PLXNC1: variants seen among roughly 807,000 people sequenced by gnomAD.
PLXNC1 encodes plexin-C1.
PLXNC1 carries 75 observed loss-of-function variants against 178.2 expected under a neutral mutation model. The observed-to-expected ratio is 0.42, with a 90% confidence interval of 0.35 to 0.51. The LOEUF (loss-of-function observed/expected upper bound fraction) is 0.51, where lower values mean the gene tolerates loss of function less well. PLXNC1 is among the 20% of genes least tolerant of loss of function. The probability of loss-of-function intolerance (pLI) is 0.02; values close to 1 mark genes in which losing one functional copy is unlikely to be tolerated. For missense variants in PLXNC1, 1,503 were observed against 1,984.4 expected, an observed-to-expected ratio of 0.76 and a Z score of 4.61; for synonymous variants, 790 against 779.9, an observed-to-expected ratio of 1.01 and a Z score of -0.22.
At chr12:94,155,732 CCCAGATGTGGGGGGATGT>C (rs1183943399) in intron 1 of PLXNC1, among the ~76,000 whole-genome samples, 1 of 152,162 alleles carries the variant, frequency 6.6e-6, no homozygotes, top group Non-Finnish European at 1.5e-5. Flanking sequence ...GTATTTCACT[CCCAGATGTGGGGGGATGT>C]CTAGAGTCGT....
intron 11 of PLXNC1, among the ~76,000 whole-genome samples, chr12:94,243,407 C>T (rs4761595): frequency 0.64 from 97,195 of 152,112 alleles, 31,564 homozygotes; most frequent in East Asian, 0.96. Flanking sequence ...AGATGGAATG[C>T]AGCTGTTATT....
Position 94,251,498 on chromosome 12 carries a change from C to A in PLXNC1, c.2851C>A (p.Leu951Ile). Residue 951 changes from leucine (L) to isoleucine (I), a missense_variant, in exon 15 of 31, where the codon CTC (leucine) becomes ATC (isoleucine). By Grantham distance (5) the Leu-to-Ile change is conservative (BLOSUM62 2). Transcript: ENST00000258526. ...VPSTWYFLIV[L>I]PVLLVIVIFA... is the part of the protein sequence containing the mutation. ...TTCCACATGGTATTTTCTGATTGTG[C>A]TCCCTGTCTTGCTAGTGATTGTCAT... 6.2e-7 allele frequency: 1 copy of A among 1,611,644 alleles called. No homozygotes were observed. Among genetic ancestry groups the A allele is most frequent in the Non-Finnish European group, 8.5e-7 (1 of 1,177,720 alleles).
At chr12:94,225,056 C>T (rs1365449400) in intron 7 of PLXNC1, among the ~76,000 whole-genome samples, 1 of 152,156 alleles carries the variant, frequency 6.6e-6, no homozygotes. Flanking sequence ...TTCCTGCTGC[C>T]CCCCTTTTCA....
At chr12:94,243,502 A>G (rs1161808334) in intron 11 of PLXNC1, among the ~76,000 whole-genome samples, 1 of 152,254 alleles carries the variant, frequency 6.6e-6, no homozygotes, top group Non-Finnish European at 1.5e-5. Context: ...CTCTCTAAAT[A>G]ACATACCATT....
chr12:94,298,591 C>G (rs775798681), intron 26 of PLXNC1, 41 bp from the exon 27 acceptor site: 2 of 1,508,920 alleles, frequency 1.3e-6, no homozygotes, highest in Non-Finnish European at 1.8e-6. Flanking sequence ...ACCACTACCA[C>G]AGTTTTTAAT....
At chr12:94,215,555 A>ATGAT (rs1963620088) in intron 5 of PLXNC1, among the ~76,000 whole-genome samples, 1 of 96,950 alleles carries the variant, frequency 1.0e-5, no homozygotes, top group Admixed American at 1.2e-4. Flanking sequence ...GCAAACATAG[A>ATGAT]TGATAGATAG....
In PLXNC1 at chr12:94,224,211, T is replaced by C. The variant is rs769295691; in HGVS notation, c.1703-17T>C. On this transcript the variant is annotated splice_polypyrimidine_tract_variant and intron_variant, in intron 6 of 30. Coordinates refer to ENST00000258526, the MANE Select transcript of PLXNC1 (RefSeq NM_005761.3). ...CAGGACTCCACCGTAAATGACATTTTCCCCCCTTCCCTCCAGATGTTTCAG... is the reference window on the plus strand; with the variant it reads ...CAGGACTCCACCGTAAATGACATTTCCCCCCCTTCCCTCCAGATGTTTCAG... 15 of 1,467,798 alleles carry C rather than the reference T, an allele frequency of 1.0e-5. No individual in the cohort carries two copies. The highest frequency in any genetic ancestry group is 4.2e-5 in the African/African-American group (3 of 71,984). The allele number at this position is 1,467,798 out of a possible 1,614,324, so 90.9% of individuals were successfully genotyped here.
intron 21 of PLXNC1, among the ~76,000 whole-genome samples, chr12:94,279,045 C>G (rs757724885): frequency 2.6e-5 from 4 of 151,816 alleles, no homozygotes; most frequent in Non-Finnish European, 4.4e-5. Context: ...ACCTCGTAAC[C>G]TTCCCTGTCA....
At chr12:94,302,995 A>G (rs1968621345) in intron 28 of PLXNC1, among the ~76,000 whole-genome samples, 1 of 152,244 alleles carries the variant, frequency 6.6e-6, no homozygotes, top group East Asian at 1.9e-4. Context: ...TGATTCATCA[A>G]GCCATTGATT....
chr12:94,203,258 C>T (rs1041502686), intron 4 of PLXNC1, among the ~76,000 whole-genome samples: 14 of 152,182 alleles, frequency 9.2e-5, no homozygotes, highest in Non-Finnish European at 1.6e-4. Flanking sequence ...TCTCATCCCT[C>T]AGAACATCCT....
Position 94,304,033 on chromosome 12 carries a change from C to G in PLXNC1, c.4584C>G (p.Ile1528Met), listed in dbSNP as rs143293787. 1.3e-6 allele frequency: 2 copies of G among 1,558,104 alleles called. No individual in the cohort carries two copies. Among genetic ancestry groups the G allele is most frequent in the South Asian group, 1.1e-5 (1 of 89,438 alleles). The change falls in exon 30 of 31, where the codon ATC becomes ATG. Residue 1528 changes from isoleucine to methionine, a missense_variant. Physicochemically the swap from Ile to Met is conservative, Grantham distance 10 (BLOSUM62 1). Around this residue, in one of 4 missense-constraint regions of PLXNC1, gnomAD observed 639 missense variants for 979.7 expected, o/e 0.65. Coordinates refer to ENST00000258526, the MANE Select transcript of PLXNC1 (RefSeq NM_005761.3). ...CCTTGACAGAAATTTACAAATACAT[C>G]GTAAAATATTTTGATGAGGTAAGAT... Reference protein sequence around the residue: ...EVALTEIYKYIVKYFDEILNK... With the variant: ...EVALTEIYKYMVKYFDEILNK...
At chr12:94,192,250 CT>C (rs1416089009) in intron 4 of PLXNC1, among the ~76,000 whole-genome samples, 2 of 152,170 alleles carry the variant, frequency 1.3e-5, no homozygotes, top group Non-Finnish European at 1.5e-5. Context: ...CCATTCTTGG[CT>C]TTAAGGAACT....
chr12:94,271,159 A>C (rs1009944537), intron 21 of PLXNC1, among the ~76,000 whole-genome samples: 5 of 152,220 alleles, frequency 3.3e-5, no homozygotes, highest in African/African-American at 1.2e-4. Flanking sequence ...ATAAAATTAG[A>C]AATATATTTT....
chr12:94,208,475 G>A (rs1240367401), intron 4 of PLXNC1, among the ~76,000 whole-genome samples: 2 of 152,124 alleles, frequency 1.3e-5, no homozygotes, highest in African/African-American at 4.8e-5. Flanking sequence ...AAACCTTTAG[G>A]AAGCCAAATA....
At chr12:94,160,042 A>G (rs747784353) in intron 1 of PLXNC1, among the ~76,000 whole-genome samples, 13 of 152,194 alleles carry the variant, frequency 8.5e-5, no homozygotes, top group Non-Finnish European at 1.9e-4. Flanking sequence ...CTTGGGACAT[A>G]CAGGAAGACA....
intron 3 of PLXNC1, among the ~76,000 whole-genome samples, chr12:94,184,035 T>C (rs946885799): frequency 2.6e-5 from 4 of 152,112 alleles, no homozygotes; most frequent in African/African-American, 9.7e-5. Context: ...TATGGAGATG[T>C]AGGCATTGAT....
chr12:94,197,624 T>C (rs1018315226), intron 4 of PLXNC1, among the ~76,000 whole-genome samples: 1 of 152,158 alleles, frequency 6.6e-6, no homozygotes, highest in South Asian at 2.1e-4. Context: ...TATTCTGTAA[T>C]AGCAACACAA....
At chr12:94,154,299 T>G (rs1365803686) in intron 1 of PLXNC1, among the ~76,000 whole-genome samples, 1 of 152,246 alleles carries the variant, frequency 6.6e-6, no homozygotes, top group Non-Finnish European at 1.5e-5. Context: ...ATTTAGAACC[T>G]GGGTGGTCCA....
intron 28 of PLXNC1, 63 bp downstream of exon 28, chr12:94,301,120 G>A: frequency 1.4e-6 from 2 of 1,458,984 alleles, no homozygotes; most frequent in Non-Finnish European, 1.9e-6. Flanking sequence ...TTGTCTTTCT[G>A]ATAAGCATTC....
Sources: gnomAD v4.1 joint callset for allele counts (sites outside exome capture counted in the v4.1 genomes callset) on GRCh38, gnomAD v4.1.1 for gene constraint, gnomAD v4.1.1 regional missense constraint, MANE v1.5 for transcripts, NCBI Gene and HGNC (gene_info 2026-07-23, HGNC 2026-07-21) for gene names.